MCM5: variants seen among roughly 807,000 people sequenced by gnomAD.
MCM5 encodes minichromosome maintenance complex component 5.
MCM5 carries 46 observed loss-of-function variants against 79.9 expected under a neutral mutation model. The observed-to-expected ratio is 0.58, with a 90% CI of 0.45 to 0.74. MCM5 has a LOEUF of 0.74. Among genes scored for constraint, MCM5 ranks in the 30% least tolerant of loss-of-function variants. The pLI, the probability that MCM5 is intolerant of heterozygous loss-of-function variation, is 0.00. For synonymous variants in MCM5, 404 were observed against 390.5 expected (o/e 1.03, Z -0.41); for missense variants, 883 against 1,017.0 (o/e 0.87, Z 1.79).
chr22:35,424,376 A>G lies in MCM5; in HGVS notation c.*121A>G. On this transcript the variant is annotated 3_prime_UTR_variant, in exon 17 of 17. Transcript: ENST00000216122. ...ACTGCAGCCCTCGAACTTCCCAGGC[A>G]CCCTCCTTTCTGCCCCAGAGGAAGG... 1 of 706,808 alleles carries G rather than the reference A, an allele frequency of 1.4e-6. No homozygotes were observed. 43.8% of individuals were successfully genotyped at this position (706,808 alleles called of 1,614,324 possible).
chr22:35,453,441 G>GAGAC, the MCM5 span, among the ~76,000 whole-genome samples: 2 of 151,254 alleles, frequency 1.3e-5, no homozygotes, highest in African/African-American at 4.9e-5. Flanking sequence ...GACAGAGACA[G>GAGAC]GGACAGAGAG....
In MCM5 at chr22:35,419,892, G is replaced by A; in HGVS notation, c.1712G>A (p.Gly571Asp). 1 of 1,611,494 alleles carries A rather than the reference G, an allele frequency of 6.2e-7. No homozygotes were observed. The highest frequency in any genetic ancestry group is 1.1e-5 in the South Asian group (1 of 90,622). ...KFIAYCRVKC[G>D]PRLSAEAAEK... ...TCCCCACTGTCCTGCAGGAAGTGTG[G>A]CCCCCGGCTGTCAGCAGAGGCTGCA... The change falls in exon 14 of 17, where the codon GGC becomes GAC. Residue 571 changes from glycine (G) to aspartate (D), a missense_variant. Around this residue, in one of 3 missense-constraint regions of MCM5, gnomAD observed 426 missense variants for 482.3 expected, o/e 0.88. Transcript: ENST00000216122.
Position 35,421,408 on chromosome 22 carries a change from G to A in MCM5, c.1923G>A (p.Leu641=). 1.2e-6 allele frequency: 2 copies of A among 1,614,202 alleles called. No homozygotes were observed. Among genetic ancestry groups the A allele is most frequent in the Non-Finnish European group, 8.5e-7 (1 of 1,180,054 alleles). Reference sequence around the variant, plus strand: ...CAGAGGCAGATGTGGAGGAGGCCCTGCGGCTCTTCCAAGTGTCCACGTTGG... The same window carrying A: ...CAGAGGCAGATGTGGAGGAGGCCCTACGGCTCTTCCAAGTGTCCACGTTGG... ...FATEADVEEA[L]RLFQVSTLDA... Residue 641 remains leucine (L), a synonymous_variant, in exon 15 of 17, where the codon CTG becomes CTA. Transcript: ENST00000216122.
chr22:35,447,205 T>G, the MCM5 span, among the ~76,000 whole-genome samples: 1 of 152,118 alleles, frequency 6.6e-6, no homozygotes. Context: ...TGAAGCTGTG[T>G]GGGAAAGTGC....
Position 35,400,523 on chromosome 22 carries a change from TCGCAGC to T in MCM5, c.86_91del (p.Ser29_Gln30del). The T allele has an allele frequency of 6.2e-7, 1 of 1,613,950 alleles. No individual in the cohort carries two copies. ...GGCCGACGAGGGGCAGGCCCGCAAA[TCGCAGC>T]TGCAGAGGCGCTTCAAGGAGTTCCT... On this transcript the variant is annotated inframe_deletion, in exon 2 of 17. Coordinates refer to ENST00000216122, the MANE Select transcript of MCM5 (RefSeq NM_006739.4).
chr22:35,410,877 G>C lies in MCM5; in HGVS notation c.886G>C (p.Val296Leu). Reference sequence around the variant, plus strand: ...GGGCATCCGAAGCTCCTACATCCGTGTCCTGGGCATCCAGGTGGACACAGA... The same window carrying C: ...GGGCATCCGAAGCTCCTACATCCGTCTCCTGGGCATCCAGGTGGACACAGA... Reference protein sequence around the residue: ...GVGIRSSYIRVLGIQVDTDGS... With the variant: ...GVGIRSSYIRLLGIQVDTDGS... Residue 296 changes from valine to leucine, a missense_variant, in exon 7 of 17, where the codon GTC becomes CTC. By Grantham distance (32) the Val-to-Leu change is conservative. Coordinates refer to ENST00000216122, the MANE Select transcript of MCM5 (RefSeq NM_006739.4). The C allele has an allele frequency of 6.2e-7, 1 of 1,610,636 alleles. No homozygotes were observed. The highest frequency in any genetic ancestry group is 8.5e-7 in the Non-Finnish European group (1 of 1,177,288).
chr22:35,428,009 C>T, downstream of MCM5, among the ~76,000 whole-genome samples: 1 of 134,178 alleles, frequency 7.5e-6, no homozygotes, highest in Non-Finnish European at 1.6e-5. Flanking sequence ...ACCCCCATCG[C>T]TCTCTCTCTC....
chr22:35,412,795 C>T, intron 8 of MCM5, 114 bp downstream of exon 8: 1 of 938,650 alleles, frequency 1.1e-6, no homozygotes, highest in Non-Finnish European at 1.4e-6. Flanking sequence ...CTGGGCCCCT[C>T]AGTCTGCCAG....
the MCM5 span, among the ~76,000 whole-genome samples, chr22:35,449,714 C>G: frequency 6.6e-6 from 1 of 152,226 alleles, no homozygotes; most frequent in South Asian, 2.1e-4. Context: ...TGGCTATGCT[C>G]TATGCTCTGC....
At chr22:35,452,252 C>G in the MCM5 span, among the ~76,000 whole-genome samples, 1 of 152,166 alleles carries the variant, frequency 6.6e-6, no homozygotes, top group Admixed American at 6.5e-5. Context: ...GTGGAACCCC[C>G]TGCCTGGATC....
At chr22:35,419,005 C>G (rs775741236) in intron 13 of MCM5, among the ~76,000 whole-genome samples, 17 of 152,196 alleles carry the variant, frequency 1.1e-4, no homozygotes, top group Non-Finnish European at 1.6e-4. Context: ...TTTGAAGGAG[C>G]TAAAACCCAG....
the MCM5 span, among the ~76,000 whole-genome samples, chr22:35,446,953 C>T: frequency 1.6e-4 from 25 of 152,318 alleles, no homozygotes; most frequent in East Asian, 4.1e-3. Context: ...CCAAGCCCTC[C>T]GGGGGCCTCA....
At chr22:35,416,026 G>A (rs1035367506) in intron 10 of MCM5, 54 bp downstream of exon 10, 3 of 1,587,226 alleles carry the variant, frequency 1.9e-6, no homozygotes, top group Non-Finnish European at 2.6e-6. Flanking sequence ...CAGGGTATGT[G>A]ACTTCCTGTG....
intron 2 of MCM5, 29 bp from the exon 3 acceptor site, chr22:35,403,178 T>C (rs1410036945): frequency 1.9e-6 from 3 of 1,612,354 alleles, no homozygotes; most frequent in Non-Finnish European, 1.7e-6. Flanking sequence ...GCACCCTTCC[T>C]GCCCCACCCT....
chr22:35,423,364 G>T, intron 16 of MCM5, 23 bp downstream of exon 16: 1 of 1,574,808 alleles, frequency 6.3e-7, no homozygotes, highest in South Asian at 1.1e-5. Context: ...TGGAGTGGGG[G>T]TGTGAGCCGG....
chr22:35,415,735 C>T, intron 9 of MCM5, 94 bp from the exon 10 acceptor site: 1 of 1,427,170 alleles, frequency 7.0e-7, no homozygotes, highest in Admixed American at 1.8e-5. Flanking sequence ...GATGTGTGAC[C>T]TTGGGCAAAT....
At position 35,424,320 on chromosome 22, in the gene MCM5, T is replaced by G; in HGVS notation, c.*65T>G. 1 of 1,198,974 alleles carries G rather than the reference T, an allele frequency of 8.3e-7. No homozygotes were observed. The highest frequency in any genetic ancestry group is 1.2e-6 in the Non-Finnish European group (1 of 851,260). The allele number at this position is 1,198,974 out of a possible 1,614,324, so 74.3% of individuals were successfully genotyped here. On this transcript the variant is annotated 3_prime_UTR_variant, in exon 17 of 17. Transcript: ENST00000216122. ...TCGCCCCTCCTGCCGCTGCCTGCCA[T>G]TGACAATGTTGCTGGGACCTCTGCC...
chr22:35,419,866 C>T lies in MCM5; in HGVS notation c.1704-18C>T, dbSNP rs751889796. The T allele has an allele frequency of 1.9e-6, 3 of 1,599,336 alleles. No homozygotes were observed. The highest frequency in any genetic ancestry group is 2.6e-6 in the Non-Finnish European group (3 of 1,171,446). ...GTCCCTCCTGGCCTCACACCAGCCTCTCCCCACTGTCCTGCAGGAAGTGTG... is the reference window on the plus strand; with the variant it reads ...GTCCCTCCTGGCCTCACACCAGCCTTTCCCCACTGTCCTGCAGGAAGTGTG... On this transcript the variant is annotated intron_variant, in intron 13 of 16. Transcript: ENST00000216122.
the MCM5 span, among the ~76,000 whole-genome samples, chr22:35,449,610 C>T: frequency 1.3e-5 from 2 of 150,184 alleles, no homozygotes; most frequent in African/African-American, 2.4e-5. Flanking sequence ...CTGTCCCAGC[C>T]GTGGTCTTTC....
Sources: gnomAD v4.1 joint callset for allele counts (sites outside exome capture counted in the v4.1 genomes callset) on GRCh38, gnomAD v4.1.1 for gene constraint, gnomAD v4.1.1 regional missense constraint, MANE v1.5 for transcripts, NCBI Gene and HGNC (gene_info 2026-07-23, HGNC 2026-07-21) for gene names.